Variants in FRMD6 observed in about 807,000 individuals in gnomAD.
FRMD6 encodes the protein FERM domain-containing protein 6.
A neutral mutation model predicts 73.2 loss-of-function variants in FRMD6; 37 were observed. The ratio of observed to expected loss-of-function variants is 0.51; its 90% CI spans 0.39 to 0.66. The LOEUF (loss-of-function observed/expected upper bound fraction) is 0.66, where lower values mean the gene tolerates loss of function less well. Among genes scored for constraint, FRMD6 ranks in the 30% least tolerant of loss-of-function variants. The probability of loss-of-function intolerance (pLI) is 0.00; values close to 1 mark genes in which losing one functional copy is unlikely to be tolerated. For synonymous variants in FRMD6, 273 were observed against 282.2 expected (o/e 0.97, Z 0.33); for missense variants, 714 against 780.5 (o/e 0.91, Z 1.02).
chr14:51,652,232 C>T (rs1892463286), intron 1 of FRMD6: 1 of 152,400 alleles, frequency 6.6e-6, no homozygotes, highest in Non-Finnish European at 1.5e-5. Context: ...GGTCGCTTCT[C>T]CGTGAGTCGG....
chr14:51,673,862 A>C (rs1894191890), intron 1 of FRMD6, among the ~76,000 whole-genome samples: 2 of 152,202 alleles, frequency 1.3e-5, no homozygotes, highest in Non-Finnish European at 2.9e-5. Context: ...TGCATGTGAC[A>C]AGTTAAGAGT....
chr14:51,617,410 CT>C (rs1326461356), intron 2 of FRMD6, among the ~76,000 whole-genome samples: 3 of 152,180 alleles, frequency 2.0e-5, no homozygotes, highest in African/African-American at 7.2e-5. Flanking sequence ...AGAAATCATT[CT>C]TCCAGATGCA....
intron 2 of FRMD6, among the ~76,000 whole-genome samples, chr14:51,586,057 G>A (rs2139692692): frequency 6.7e-6 from 1 of 150,232 alleles, no homozygotes; most frequent in Admixed American, 6.7e-5. Flanking sequence ...CAATGCAGGT[G>A]TCTTTTTGAT....
chr14:51,609,948 T>A (rs968380938), intron 2 of FRMD6, among the ~76,000 whole-genome samples: 1 of 152,126 alleles, frequency 6.6e-6, no homozygotes, highest in Non-Finnish European at 1.5e-5. Context: ...CAGAGAAACC[T>A]CTGAAAGTTT....
At chr14:51,525,023 TGGGTGG>T (rs1885154222) in intron 1 of FRMD6, among the ~76,000 whole-genome samples, 1 of 3,898 alleles carries the variant, frequency 2.6e-4, no homozygotes, top group African/African-American at 9.5e-4. Flanking sequence ...GGTGGGTGGG[TGGGTGG>T]ATGGAGAGAA....
intron 2 of FRMD6, among the ~76,000 whole-genome samples, chr14:51,629,468 A>G (rs985232994): frequency 2.6e-5 from 4 of 152,214 alleles, no homozygotes; most frequent in Non-Finnish European, 5.9e-5. Context: ...AATATATTTT[A>G]CATTCCTACC....
the FRMD6 span, chr14:51,437,035 G>A: frequency 1.1e-3 from 587 of 511,582 alleles, 5 homozygotes; most frequent in African/African-American, 0.01. Context: ...TGTGCACAAC[G>A]TGCAAGTTTG....
Position 51,714,348 on chromosome 14 carries a change from C to G in FRMD6, c.850-977C>G, listed in dbSNP as rs1463096823. On this transcript the variant is annotated intron_variant, in intron 9 of 13. Transcript: ENST00000344768. Reference sequence around the variant, plus strand: ...AAAAACACCTCCACCTTATCCCTGCCTGGGCTATACAAGCCCATACTGCTC... The same window carrying G: ...AAAAACACCTCCACCTTATCCCTGCGTGGGCTATACAAGCCCATACTGCTC... 9 of 152,166 alleles carry G rather than the reference C, an allele frequency of 5.9e-5. No individual in the cohort carries two copies. The East Asian group carries it at 1.7e-3, about 29-fold the overall frequency. 9.4% of individuals were successfully genotyped at this position (152,166 alleles called of 1,614,324 possible). A position where few individuals can be genotyped will look rare whatever the true frequency, so the allele number is the denominator to read the frequency against.
upstream of FRMD6, among the ~76,000 whole-genome samples, chr14:51,649,237 A>C (rs1047514975): frequency 1.3e-5 from 2 of 152,216 alleles, no homozygotes; most frequent in Admixed American, 1.3e-4. Context: ...TTAGTTTGCA[A>C]AATATTTTAA....
chr14:51,436,044 C>A, the FRMD6 span: 1 of 176,210 alleles, frequency 5.7e-6, no homozygotes, highest in Non-Finnish European at 1.2e-5. Flanking sequence ...CCACATGGCC[C>A]CCAAACACCT....
the FRMD6 span, among the ~76,000 whole-genome samples, chr14:51,449,545 G>T: frequency 6.6e-6 from 1 of 152,200 alleles, no homozygotes; most frequent in Non-Finnish European, 1.5e-5. Context: ...TGAAACAGCA[G>T]GAGGCCCTGG....
At chr14:51,708,302 A>G in intron 7 of FRMD6, 69 bp downstream of exon 7, 7 of 1,388,112 alleles carry the variant, frequency 5.0e-6, no homozygotes, top group Non-Finnish European at 6.9e-6. Context: ...TGAGAAGGAA[A>G]ACCGAAGGAT....
intron 1 of FRMD6, among the ~76,000 whole-genome samples, chr14:51,567,952 A>G (rs540907454): frequency 1.3e-5 from 2 of 152,374 alleles, no homozygotes; most frequent in South Asian, 2.1e-4. Flanking sequence ...CTGACACACA[A>G]ATACGTAGTT....
At chr14:51,704,548 T>C (rs187087057) in intron 5 of FRMD6, 159 of 530,836 alleles carry the variant, frequency 3.0e-4, no homozygotes, top group African/African-American at 2.7e-3. Flanking sequence ...GATAGTCTGA[T>C]TTGGGGTTCT....
At chr14:51,675,200 G>A (rs899265903) in intron 1 of FRMD6, among the ~76,000 whole-genome samples, 7 of 151,962 alleles carry the variant, frequency 4.6e-5, no homozygotes, top group Admixed American at 1.3e-4. Context: ...AGCAGAGGCC[G>A]GCTTCTGATT....
chr14:51,513,044 G>C (rs1182629423), intron 1 of FRMD6, among the ~76,000 whole-genome samples: 2 of 152,152 alleles, frequency 1.3e-5, no homozygotes, highest in Non-Finnish European at 2.9e-5. Flanking sequence ...TCAAAATTAG[G>C]AGGCTCTAGT....
chr14:51,641,183 G>T (rs911977067), intron 2 of FRMD6, among the ~76,000 whole-genome samples: 1 of 152,104 alleles, frequency 6.6e-6, no homozygotes, highest in African/African-American at 2.4e-5. Context: ...GTTTCCCTAT[G>T]TTGGCCAGGC....
intron 2 of FRMD6, among the ~76,000 whole-genome samples, chr14:51,609,428 C>T (rs1286576172): frequency 6.6e-6 from 1 of 152,110 alleles, no homozygotes; most frequent in African/African-American, 2.4e-5. Flanking sequence ...CCACAGACAT[C>T]GGTGTATGGA....
At chr14:51,416,689 T>A in the FRMD6 span, among the ~76,000 whole-genome samples, 4 of 152,214 alleles carry the variant, frequency 2.6e-5, no homozygotes, top group Admixed American at 2.0e-4. Flanking sequence ...CAGAGCTGAG[T>A]TCAAGTAGTG....
Sources: allele counts gnomAD v4.1 joint callset (sites outside exome capture counted in the v4.1 genomes callset), GRCh38; gene constraint gnomAD v4.1.1; transcripts MANE v1.5; gene names NCBI Gene and HGNC (gene_info 2026-07-23, HGNC 2026-07-21).